FHIT: variants seen among roughly 807,000 people sequenced by gnomAD.
FHIT encodes bis(5'-adenosyl)-triphosphatase.
In FHIT, 19 loss-of-function variants were observed where a neutral mutation model predicts 17.9. The ratio of observed to expected loss-of-function variants is 1.06; its 90% CI spans 0.74 to 1.56. The LOEUF is 1.56. Ranked by LOEUF, FHIT falls within the 40% of genes most tolerant of loss-of-function variation. The pLI, the probability that FHIT is intolerant of heterozygous loss-of-function variation, is 0.00. For synonymous variants in FHIT, 81 were observed against 69.7 expected (o/e 1.16, Z -0.81); for missense variants, 248 against 189.2 (o/e 1.31, Z -1.82).
intron 5 of FHIT, among the ~76,000 whole-genome samples, chr3:60,379,870 C>A (rs137865817): frequency 6.6e-6 from 1 of 152,132 alleles, no homozygotes; most frequent in African/African-American, 2.4e-5. Context: ...AAACAAAACA[C>A]CTACCTAAAT....
Position 60,712,616 on chromosome 3 carries a change from G to C in FHIT, c.-18+109303C>G, listed in dbSNP as rs191273449. On this transcript the variant is annotated intron_variant, in intron 4 of 9. Coordinates refer to ENST00000492590, the MANE Select transcript of FHIT (RefSeq NM_002012.4). Reference sequence around the variant, plus strand: ...GCAAATGGAAAACAAAAAAAGGCAAGGGTTGCAATCCTACTCTCTGATAAA... The same window carrying C: ...GCAAATGGAAAACAAAAAAAGGCAACGGTTGCAATCCTACTCTCTGATAAA... Among the ~76,000 whole-genome samples the C allele has an allele frequency of 1.5e-3, 221 of 152,138 alleles. 3 individuals are homozygous for C. The East Asian group carries it at 0.04, about 27-fold the overall frequency.
At chr3:60,219,354 T>A (rs928650048) in intron 5 of FHIT, among the ~76,000 whole-genome samples, 14 of 152,244 alleles carry the variant, frequency 9.2e-5, no homozygotes, top group African/African-American at 3.4e-4. Flanking sequence ...ATCTATTTCA[T>A]CTGTGTAACA....
At chr3:59,782,305 G>T (rs1165128539) in intron 8 of FHIT, among the ~76,000 whole-genome samples, 1 of 152,082 alleles carries the variant, frequency 6.6e-6, no homozygotes, top group Non-Finnish European at 1.5e-5. Context: ...GGATTTTGTA[G>T]TTAACTACTG....
chr3:61,111,353 T>C (rs2036154490), intron 2 of FHIT, among the ~76,000 whole-genome samples: 1 of 152,160 alleles, frequency 6.6e-6, no homozygotes, highest in Non-Finnish European at 1.5e-5. Flanking sequence ...ACACTGAATC[T>C]CATTTTTTTT....
At chr3:60,275,759 G>C (rs891784760) in intron 5 of FHIT, among the ~76,000 whole-genome samples, 2 of 152,152 alleles carry the variant, frequency 1.3e-5, no homozygotes, top group African/African-American at 4.8e-5. Flanking sequence ...ATAAAGGAGA[G>C]TCAGTTACTA....
At chr3:60,039,734 T>C (rs1455513417) in intron 5 of FHIT, among the ~76,000 whole-genome samples, 2 of 152,240 alleles carry the variant, frequency 1.3e-5, no homozygotes, top group Non-Finnish European at 2.9e-5. Flanking sequence ...GGGAAGATGA[T>C]GGTGGAAGAT....
chr3:59,775,015 C>T (rs932580343), intron 8 of FHIT, among the ~76,000 whole-genome samples: 7 of 152,192 alleles, frequency 4.6e-5, no homozygotes, highest in African/African-American at 1.2e-4. Flanking sequence ...TTAACAAGAT[C>T]GCCAAGAAAT....
At chr3:60,895,278 T>A (rs1253194895) in intron 3 of FHIT, among the ~76,000 whole-genome samples, 2 of 152,228 alleles carry the variant, frequency 1.3e-5, no homozygotes, top group Non-Finnish European at 2.9e-5. Context: ...CATATCCTTC[T>A]CATTGCATTA....
chr3:60,796,514 T>C (rs533409713), intron 4 of FHIT, among the ~76,000 whole-genome samples: 2 of 152,306 alleles, frequency 1.3e-5, no homozygotes, highest in South Asian at 4.1e-4. Flanking sequence ...ATCAATGGTG[T>C]CTAGATATTT....
chr3:60,963,125 A>C (rs1383923023), intron 3 of FHIT, among the ~76,000 whole-genome samples: 3 of 152,130 alleles, frequency 2.0e-5, no homozygotes, highest in Admixed American at 1.3e-4. Context: ...TTGGTCTATT[A>C]AGGGATTCAA....
At position 59,851,184 on chromosome 3, in the gene FHIT, T is replaced by C. The variant is rs1200083058; in HGVS notation, c.348+71162A>G. Reference sequence around the variant, plus strand: ...TCTCATATGAGGAATCTAAAGTTGATGAAGATGGTGGTAGTAGAGTGGTGT... The same window carrying C: ...TCTCATATGAGGAATCTAAAGTTGACGAAGATGGTGGTAGTAGAGTGGTGT... On this transcript the variant is annotated intron_variant, in intron 8 of 9. Coordinates refer to ENST00000492590, the MANE Select transcript of FHIT (RefSeq NM_002012.4). 2.7e-5 allele frequency among the ~76,000 whole-genome samples: 3 copies of C among 111,508 alleles called. No homozygotes were observed. In the Admixed American group the frequency reaches 3.1e-4, roughly 11 times the overall value. The allele number at this position is 111,508 out of a possible 152,430, so 73.2% of individuals were successfully genotyped here.
chr3:60,786,425 A>G (rs782560356), intron 4 of FHIT, among the ~76,000 whole-genome samples: 2 of 152,230 alleles, frequency 1.3e-5, no homozygotes, highest in Non-Finnish European at 1.5e-5. Flanking sequence ...GAAGCACTGC[A>G]GTGTAATATG....
At chr3:60,772,933 G>A (rs904278092) in intron 4 of FHIT, among the ~76,000 whole-genome samples, 11 of 152,122 alleles carry the variant, frequency 7.2e-5, no homozygotes, top group African/African-American at 1.4e-4. Context: ...CCAGCCAATC[G>A]GCAGCAAACA....
chr3:59,753,972 T>TAAAAGTTGATCCTTTAAAAATAA (rs1701062448), intron 8 of FHIT, among the ~76,000 whole-genome samples: 2 of 151,938 alleles, frequency 1.3e-5, no homozygotes. Flanking sequence ...ATCGACTTTT[T>TAAAAGTTGATCCTTTAAAAATAA]AAAAGTTGAT....
intron 7 of FHIT, among the ~76,000 whole-genome samples, chr3:59,979,806 T>C (rs977860477): frequency 6.6e-6 from 1 of 152,042 alleles, no homozygotes; most frequent in African/African-American, 2.4e-5. Flanking sequence ...AGAAAGAAAC[T>C]GTGAAACTGA....
At chr3:60,550,810 G>C (rs1297788398) in intron 4 of FHIT, among the ~76,000 whole-genome samples, 1 of 152,064 alleles carries the variant, frequency 6.6e-6, no homozygotes, top group Non-Finnish European at 1.5e-5. Flanking sequence ...TGGTAAATAT[G>C]ACAGACCAGC....
chr3:59,814,399 T>C lies in FHIT; in HGVS notation c.349-62078A>G, dbSNP rs143049645. Reference sequence around the variant, plus strand: ...ACAGGTTTCTGGGTCAAGACAGGTGTTTCCAAATGGCAATTTTTGAGGCTG... The same window carrying C: ...ACAGGTTTCTGGGTCAAGACAGGTGCTTCCAAATGGCAATTTTTGAGGCTG... On this transcript the variant is annotated intron_variant, in intron 8 of 9. Transcript: ENST00000492590. Among the ~76,000 whole-genome samples the C allele has an allele frequency of 3.6e-3, 548 of 152,342 alleles. 2 individuals carry two copies. The highest frequency in any genetic ancestry group is 6.6e-3 in the Admixed American group (101 of 15,302).
chr3:61,185,183 T>C (rs1236232891), intron 2 of FHIT, among the ~76,000 whole-genome samples: 1 of 152,054 alleles, frequency 6.6e-6, no homozygotes, highest in African/African-American at 2.4e-5. Flanking sequence ...CATTCTGGAG[T>C]AGGGTTAAGC....
At chr3:60,494,642 T>C (rs144783306) in intron 5 of FHIT, among the ~76,000 whole-genome samples, 177 of 152,262 alleles carry the variant, frequency 1.2e-3, no homozygotes, top group Middle Eastern at 6.8e-3. Context: ...CTTCCCAGCT[T>C]CTGGTAATAC....
Sources: allele counts gnomAD v4.1 joint callset (sites outside exome capture counted in the v4.1 genomes callset), GRCh38; gene constraint gnomAD v4.1.1; transcripts MANE v1.5; gene names NCBI Gene and HGNC (gene_info 2026-07-23, HGNC 2026-07-21).